The following STAG2 variants were observed in gnomAD, a reference collection of about 807,000 sequenced individuals.
STAG2 encodes cohesin subunit SA-2.
STAG2 carries 14 observed loss-of-function variants against 108.1 expected under a neutral mutation model. The ratio of observed to expected loss-of-function variants is 0.13; its 90% CI spans 0.09 to 0.20. The LOEUF is 0.20. Among genes scored for constraint, STAG2 ranks in the 10% least tolerant of loss-of-function variants. The pLI is 1.00. For missense variants in STAG2, 440 were observed against 940.9 expected, an observed-to-expected ratio of 0.47 and a Z score of 6.96; for synonymous variants, 307 against 302.7, an observed-to-expected ratio of 1.01 and a Z score of -0.15.
intron 2 of STAG2, among the ~76,000 whole-genome samples, chrX:124,021,807 GT>G (rs1001797051): frequency 1.8e-5 from 2 of 110,311 alleles, no homozygotes; most frequent in African/African-American, 6.6e-5. Context: ...TATATCTTAG[GT>G]TTTTTTTATT....
At chrX:124,060,489 A>C (rs896702926) in intron 15 of STAG2, among the ~76,000 whole-genome samples, 1 of 112,539 alleles carries the variant, frequency 8.9e-6, no homozygotes, top group Non-Finnish European at 1.9e-5. Context: ...TTGAATTGAC[A>C]AACATGCATT....
chrX:124,074,921 CAG>C (rs1342672836), intron 25 of STAG2, among the ~76,000 whole-genome samples: 4 of 112,103 alleles, frequency 3.6e-5, no homozygotes, highest in East Asian at 2.8e-4. Flanking sequence ...ATTATAGTGA[CAG>C]AGCTATTAAG....
intron 1 of STAG2, among the ~76,000 whole-genome samples, chrX:123,977,826 C>T (rs1054344334): frequency 2.0e-5 from 2 of 97,579 alleles, no homozygotes; most frequent in Non-Finnish European, 4.0e-5. Flanking sequence ...AATCTGGTTC[C>T]CAAGTGTTTT....
intron 25 of STAG2, 93 bp from the exon 26 acceptor site, chrX:124,076,239 C>A (rs1439572039): frequency 1.2e-6 from 1 of 859,520 alleles, no homozygotes; most frequent in Non-Finnish European, 1.7e-6. Context: ...TTTTCAAATT[C>A]TCTTATAAAA....
chrX:124,009,398 G>C (rs1438598099), intron 1 of STAG2, among the ~76,000 whole-genome samples: 2 of 80,731 alleles, frequency 2.5e-5, no homozygotes, highest in African/African-American at 9.5e-5. Flanking sequence ...TAACCAGGTA[G>C]GTAGGTAGGT....
intron 29 of STAG2, among the ~76,000 whole-genome samples, chrX:124,084,426 C>T (rs1442319321): frequency 9.1e-6 from 1 of 109,821 alleles, no homozygotes; most frequent in African/African-American, 3.3e-5. Context: ...TCAAGTGATT[C>T]TCCTGCCTCA....
At chrX:124,053,495 A>G (rs951006869) in intron 13 of STAG2, among the ~76,000 whole-genome samples, 5 of 111,170 alleles carry the variant, frequency 4.5e-5, no homozygotes, top group African/African-American at 1.6e-4. Flanking sequence ...GTGACATTTC[A>G]TATGGAAAAT....
intron 25 of STAG2, among the ~76,000 whole-genome samples, chrX:124,074,847 A>G (rs1275684179): frequency 8.9e-6 from 1 of 112,223 alleles, no homozygotes. Flanking sequence ...ATCATAGGAT[A>G]GTTTAGTCTT....
intron 6 of STAG2, among the ~76,000 whole-genome samples, chrX:124,039,408 G>A (rs910774779): frequency 2.8e-5 from 3 of 108,929 alleles, no homozygotes; most frequent in East Asian, 5.7e-4. Context: ...CTCATCCTCC[G>A]AAGTAGCTGG....
chrX:124,050,118 T>C, intron 10 of STAG2, 68 bp from the exon 11 acceptor site: 1 of 1,138,488 alleles, frequency 8.8e-7, no homozygotes, highest in Non-Finnish European at 1.2e-6. Flanking sequence ...TTGGCATCTC[T>C]TGAATAAACC....
chrX:123,986,152 G>C (rs995619650), intron 1 of STAG2, among the ~76,000 whole-genome samples: 3 of 104,444 alleles, frequency 2.9e-5, no homozygotes, highest in Non-Finnish European at 5.8e-5. Flanking sequence ...ATGTATATAT[G>C]ATATATATGA....
At chrX:124,004,983 T>A (rs2056218209) in intron 1 of STAG2, among the ~76,000 whole-genome samples, 1 of 111,676 alleles carries the variant, frequency 9.0e-6, no homozygotes, top group Admixed American at 9.6e-5. Flanking sequence ...CCCTCGATGA[T>A]ACCAAAATCC....
intron 24 of STAG2, 66 bp downstream of exon 24, chrX:124,068,722 A>G: frequency 2.6e-6 from 2 of 779,129 alleles, no homozygotes; most frequent in Non-Finnish European, 3.7e-6. Flanking sequence ...ACTAATGTAG[A>G]AAGTTTAAAT....
At chrX:124,079,161 C>T (rs1421857268) in intron 27 of STAG2, among the ~76,000 whole-genome samples, 3 of 103,630 alleles carry the variant, frequency 2.9e-5, no homozygotes, top group African/African-American at 7.0e-5. Flanking sequence ...TCTTTTGAGA[C>T]GGAGTCTCGC....
chrX:124,050,446 T>C (rs2058001295), intron 11 of STAG2, 137 bp downstream of exon 11: 6 of 699,702 alleles, frequency 8.6e-6, no homozygotes, highest in Non-Finnish European at 9.8e-6. Context: ...TTCTATCTTC[T>C]CTGTAAAAAC....
At chrX:123,993,427 T>A (rs2055574508) in intron 1 of STAG2, among the ~76,000 whole-genome samples, 1 of 111,198 alleles carries the variant, frequency 9.0e-6, no homozygotes, top group Admixed American at 9.6e-5. Flanking sequence ...TCAGGAAAGG[T>A]ACATTTTTTT....
intron 1 of STAG2, among the ~76,000 whole-genome samples, chrX:124,020,108 T>G (rs1054635100): frequency 9.8e-5 from 11 of 112,756 alleles, no homozygotes; most frequent in African/African-American, 3.5e-4. Context: ...TGGGAATGCT[T>G]CTTTCTTTTA....
chrX:123,995,705 A>G (rs2055702787), intron 1 of STAG2, among the ~76,000 whole-genome samples: 1 of 111,477 alleles, frequency 9.0e-6, no homozygotes, highest in Non-Finnish European at 1.9e-5. Context: ...GAAAAAAAAA[A>G]GAAATCATTA....
intron 30 of STAG2, among the ~76,000 whole-genome samples, chrX:124,090,160 C>CAAAAAAAAA (rs758142487): frequency 7.0e-5 from 2 of 28,403 alleles, no homozygotes; most frequent in Non-Finnish European, 1.1e-4. Context: ...GACTCTGTCT[C>CAAAAAAAAA]AAAAAAAAAA....
Sources: gnomAD v4.1 joint callset for allele counts (sites outside exome capture counted in the v4.1 genomes callset) on GRCh38, gnomAD v4.1.1 for gene constraint, MANE v1.5 for transcripts, NCBI Gene and HGNC (gene_info 2026-07-23, HGNC 2026-07-21) for gene names.